The following SDHA variants were observed in gnomAD, a reference collection of about 807,000 sequenced individuals.
SDHA encodes succinate dehydrogenase [ubiquinone] flavoprotein subunit, mitochondrial.
Under a neutral mutation model 78.4 loss-of-function variants are expected in SDHA, and 48 were observed. That is an observed-to-expected ratio of 0.61 (90% confidence interval 0.49 to 0.78). The LOEUF is 0.78. Ranked by LOEUF, SDHA falls within the 30% of genes least tolerant of loss-of-function variation. The probability of loss-of-function intolerance (pLI) is 0.00; values close to 1 mark genes in which losing one functional copy is unlikely to be tolerated. For missense variants in SDHA, 680 were observed against 892.7 expected (o/e 0.76, Z 3.04); for synonymous variants, 326 against 353.9 (o/e 0.92, Z 0.88).
chr5:256,384 C>G lies in SDHA; in HGVS notation c.1959C>G (p.Asp653Glu), dbSNP rs781029975. Reference sequence around the variant, plus strand: ...TCGACAAAACTTTGAACGAGGCTGACTGTGCCACCGTCCCGCCAGCCATTC... The same window carrying G: ...TCGACAAAACTTTGAACGAGGCTGAGTGTGCCACCGTCCCGCCAGCCATTC... The part of the protein sequence containing the change: ...PVIDKTLNEA[D>E]CATVPPAIRS... The change falls in exon 15 of 15, where the codon GAC becomes GAG. Residue 653 changes from aspartate to glutamate, a missense_variant. By Grantham distance (45) the Asp-to-Glu change is conservative. Transcript: ENST00000264932. The G allele has an allele frequency of 1.9e-6, 3 of 1,613,822 alleles. No individual in the cohort carries two copies. Among genetic ancestry groups the G allele is most frequent in the Non-Finnish European group, 2.5e-6 (3 of 1,179,810 alleles).
At chr5:234,791 G>C (rs1361142996) in intron 8 of SDHA, 2 of 335,090 alleles carry the variant, frequency 6.0e-6, no homozygotes, top group East Asian at 1.4e-4. Context: ...GTATCCGTGG[G>C]GGTCCTGGAC....
Position 236,928 on chromosome 5 carries a change from C to T in SDHA, c.1432+329C>T, listed in dbSNP as rs554415820. 1.5e-4 allele frequency among the ~76,000 whole-genome samples: 22 copies of T among 147,822 alleles called. No individual in the cohort carries two copies. The East Asian group carries it at 4.3e-3, about 29-fold the overall frequency. On this transcript the variant is annotated intron_variant, in intron 10 of 14. Coordinates refer to ENST00000264932, the MANE Select transcript of SDHA (RefSeq NM_004168.4). Reference sequence around the variant, plus strand: ...CTTCCCAAAGTATCGGGATTACAGGCATGAGCCACTGCACCCAGCCAGGTT... The same window carrying T: ...CTTCCCAAAGTATCGGGATTACAGGTATGAGCCACTGCACCCAGCCAGGTT...
intron 10 of SDHA, among the ~76,000 whole-genome samples, chr5:238,728 G>A (rs148804025): frequency 9.8e-5 from 15 of 152,308 alleles, no homozygotes; most frequent in East Asian, 5.8e-4. Flanking sequence ...GGAGGCCGAG[G>A]CAGGCAGATT....
intron 14 of SDHA, 118 bp downstream of exon 14, chr5:254,624 G>A (rs545989702): frequency 9.2e-5 from 132 of 1,441,420 alleles, no homozygotes; most frequent in Admixed American, 2.0e-4. Flanking sequence ...ATCAACTCCC[G>A]ACAGATTCGA....
chr5:253,900 A>G (rs1334990539), intron 13 of SDHA, among the ~76,000 whole-genome samples: 1 of 152,132 alleles, frequency 6.6e-6, no homozygotes, highest in Non-Finnish European at 1.5e-5. Flanking sequence ...TCTCTACAAA[A>G]ACATAAAAAA....
the SDHA span, among the ~76,000 whole-genome samples, chr5:263,527 CCCTGCAGACTGGCAGGAGCAGAT>C: frequency 6.6e-6 from 1 of 152,150 alleles, no homozygotes; most frequent in Non-Finnish European, 1.5e-5. Context: ...ATCCGTGGTT[CCCTGCAGACTGGCAGGAGCAGAT>C]TCCAAAGGCA....
At chr5:250,112 A>G (rs1470957718) in intron 11 of SDHA, 1 of 152,274 alleles carries the variant, frequency 6.6e-6, no homozygotes, top group Admixed American at 6.5e-5. Context: ...CTAGATTCTG[A>G]GATGCAATGT....
chr5:241,894 A>C (rs890100460), intron 11 of SDHA, among the ~76,000 whole-genome samples: 1 of 152,210 alleles, frequency 6.6e-6, no homozygotes, highest in Non-Finnish European at 1.5e-5. Context: ...CTGCAGTACT[A>C]TTGTAGGGTT....
the SDHA span, among the ~76,000 whole-genome samples, chr5:262,295 TTACCGTGTGAGCTCCGCCTCCC>T: frequency 5.7e-5 from 6 of 105,462 alleles, no homozygotes; most frequent in South Asian, 1.6e-3. Flanking sequence ...CGACAGAGCA[TTACCGTGTGAGCTCCGCCTCCC>T]GTCAGAGCAT....
intron 10 of SDHA, among the ~76,000 whole-genome samples, chr5:239,534 C>G (rs1736008232): frequency 6.7e-6 from 1 of 150,192 alleles, no homozygotes. Flanking sequence ...GCACTCCAAC[C>G]TGGGCTACAG....
intron 11 of SDHA, among the ~76,000 whole-genome samples, chr5:242,752 A>C (rs901888149): frequency 6.6e-6 from 1 of 152,212 alleles, no homozygotes; most frequent in Non-Finnish European, 1.5e-5. Flanking sequence ...ACTCTTACGC[A>C]GTCCCTGTGG....
At chr5:225,735 ACTT>A (rs1560987482) in intron 4 of SDHA, 145 bp from the exon 5 acceptor site, 1 of 1,356,450 alleles carries the variant, frequency 7.4e-7, no homozygotes, top group Non-Finnish European at 1.0e-6. Context: ...TAACAAGAAA[ACTT>A]CTCTTTGATG....
At chr5:219,388 C>G (rs570871194) in intron 1 of SDHA, among the ~76,000 whole-genome samples, 12 of 152,350 alleles carry the variant, frequency 7.9e-5, no homozygotes, top group South Asian at 2.1e-4. Context: ...TTTAAATGAA[C>G]TTACCCACCC....
At chr5:228,428 T>A in intron 6 of SDHA, 95 bp downstream of exon 6, 1 of 1,348,918 alleles carries the variant, frequency 7.4e-7, no homozygotes, top group African/African-American at 1.5e-5. Context: ...CATTGTAGAA[T>A]AACGGTTTAG....
chr5:223,231 G>T (rs1734817954), intron 1 of SDHA, among the ~76,000 whole-genome samples: 1 of 152,194 alleles, frequency 6.6e-6, no homozygotes, highest in Admixed American at 6.5e-5. Flanking sequence ...ATCCTGTTTG[G>T]AAACAAGCTT....
chr5:239,656 C>G (rs1054197886), intron 10 of SDHA, among the ~76,000 whole-genome samples: 3 of 152,154 alleles, frequency 2.0e-5, no homozygotes, highest in Non-Finnish European at 2.9e-5. Flanking sequence ...CCACCTTCCC[C>G]CCGCTGATGT....
At chr5:266,854 G>A in the SDHA span, among the ~76,000 whole-genome samples, 5 of 152,110 alleles carry the variant, frequency 3.3e-5, no homozygotes, top group East Asian at 3.9e-4. Context: ...TCGCCGTCCC[G>A]TGCAGTAGAC....
intron 11 of SDHA, among the ~76,000 whole-genome samples, chr5:245,470 A>G (rs905543189): frequency 5.9e-5 from 9 of 152,252 alleles, no homozygotes; most frequent in Admixed American, 2.6e-4. Flanking sequence ...AAACAGTCCA[A>G]CGATTTGCCA....
At chr5:266,063 G>A in the SDHA span, among the ~76,000 whole-genome samples, 114,648 of 136,746 alleles carry the variant, frequency 0.84, 46,295 homozygotes, top group South Asian at 0.93. Context: ...AGATCTTCCG[G>A]TTCAGTCCTG....
Sources: allele counts gnomAD v4.1 joint callset (sites outside exome capture counted in the v4.1 genomes callset), GRCh38; gene constraint gnomAD v4.1.1; transcripts MANE v1.5; gene names NCBI Gene and HGNC (gene_info 2026-07-23, HGNC 2026-07-21).